The following CNTNAP2 variants were observed in gnomAD, a reference collection of about 807,000 sequenced individuals.
CNTNAP2 encodes the protein contactin-associated protein-like 2.
Under a neutral mutation model 155.2 loss-of-function variants are expected in CNTNAP2, and 98 were observed. That is an observed-to-expected ratio of 0.63 (90% CI 0.54 to 0.75). The LOEUF (loss-of-function observed/expected upper bound fraction) is 0.75, where lower values mean the gene tolerates loss of function less well. Among genes scored for constraint, CNTNAP2 ranks in the 30% least tolerant of loss-of-function variants. The pLI, the probability that CNTNAP2 is intolerant of heterozygous loss-of-function variation, is 0.00. For missense variants in CNTNAP2, 1,727 were observed against 1,688.1 expected (o/e 1.02, Z -0.40); for synonymous variants, 651 against 631.2 (o/e 1.03, Z -0.47).
In CNTNAP2 at chr7:146,443,255, AATAG is replaced by A. The variant is rs1554434133; in HGVS notation, c.97+326286_97+326289del. Among the ~76,000 whole-genome samples, 938 of 150,540 alleles carry A rather than the reference AATAG, an allele frequency of 6.2e-3. 11 individuals are homozygous for A. The highest frequency in any genetic ancestry group is 0.022 in the African/African-American group (881 of 40,860). ...TAATAAATAAATAAATAAATAAATA[AATAG>A]ATAAATAAAAGCATGGTCAGGTTTT... On this transcript the variant is annotated intron_variant, in intron 1 of 23. Coordinates refer to ENST00000361727, the MANE Select transcript of CNTNAP2 (RefSeq NM_014141.6).
intron 1 of CNTNAP2, among the ~76,000 whole-genome samples, chr7:146,368,723 CCA>C (rs1384842895): frequency 6.6e-6 from 1 of 151,904 alleles, no homozygotes; most frequent in Non-Finnish European, 1.5e-5. Context: ...TTTCCTATCC[CCA>C]GTTTTGTTTA....
chr7:146,801,808 T>C lies in CNTNAP2; in HGVS notation c.208+27427T>C, dbSNP rs146634095. On this transcript the variant is annotated intron_variant, in intron 2 of 23. Transcript: ENST00000361727. ...TTATTATACCAAATAGCAGATACGG[T>C]GAATTTTAAATGCTTCATGGTAAAG... is the stretch of plus-strand genomic sequence containing the variant. Among the ~76,000 whole-genome samples, 343 of 152,260 alleles carry C rather than the reference T, an allele frequency of 2.3e-3. 1 individual carries two copies. The highest frequency in any genetic ancestry group is 7.9e-3 in the African/African-American group (328 of 41,564).
intron 1 of CNTNAP2, among the ~76,000 whole-genome samples, chr7:146,487,993 A>G (rs1402178327): frequency 6.6e-6 from 1 of 152,214 alleles, no homozygotes. Flanking sequence ...TGTTAAGAAA[A>G]GAAAAAAAGA....
intron 8 of CNTNAP2, among the ~76,000 whole-genome samples, chr7:147,223,040 G>T (rs138298753): frequency 2.2e-3 from 336 of 152,260 alleles, no homozygotes; most frequent in African/African-American, 7.7e-3. Context: ...AGGACAAAAA[G>T]ATTTTTCTCC....
intron 13 of CNTNAP2, among the ~76,000 whole-genome samples, chr7:147,850,953 A>G (rs1030985818): frequency 1.3e-5 from 2 of 152,246 alleles, no homozygotes; most frequent in African/African-American, 4.8e-5. Flanking sequence ...GCTTCTGCAG[A>G]GCAAAAGAAA....
At chr7:147,422,135 A>C (rs1426372840) in intron 10 of CNTNAP2, among the ~76,000 whole-genome samples, 1 of 142,370 alleles carries the variant, frequency 7.0e-6, no homozygotes, top group Non-Finnish European at 1.5e-5. Flanking sequence ...TATATACAGT[A>C]TATATATATA....
intron 14 of CNTNAP2, among the ~76,000 whole-genome samples, chr7:147,942,660 A>G (rs1800746305): frequency 6.6e-6 from 1 of 152,064 alleles, no homozygotes; most frequent in Non-Finnish European, 1.5e-5. Context: ...TAATCCTACT[A>G]CTGTCCTGTG....
At chr7:146,925,977 T>G (rs571710011) in intron 3 of CNTNAP2, among the ~76,000 whole-genome samples, 1 of 152,230 alleles carries the variant, frequency 6.6e-6, no homozygotes, top group South Asian at 2.1e-4. Context: ...TGTATGGCAC[T>G]TCTATCTTGT....
At chr7:147,244,240 T>C (rs140192252) in intron 8 of CNTNAP2, among the ~76,000 whole-genome samples, 258 of 152,310 alleles carry the variant, frequency 1.7e-3, no homozygotes, top group Non-Finnish European at 3.1e-3. Flanking sequence ...CCACAGAGTG[T>C]GGAAGGGTTA....
intron 12 of CNTNAP2, among the ~76,000 whole-genome samples, chr7:147,573,094 G>A (rs1800325805): frequency 1.3e-5 from 2 of 152,248 alleles, no homozygotes; most frequent in East Asian, 1.9e-4. Context: ...AATATTTAAA[G>A]TTTTATTTCC....
At chr7:147,452,318 T>A (rs1236983484) in intron 10 of CNTNAP2, among the ~76,000 whole-genome samples, 1 of 152,198 alleles carries the variant, frequency 6.6e-6, no homozygotes, top group Non-Finnish European at 1.5e-5. Context: ...TTATTTTATA[T>A]CAAAAAGTAG....
chr7:146,616,273 G>A (rs1799222338), intron 1 of CNTNAP2, among the ~76,000 whole-genome samples: 1 of 152,100 alleles, frequency 6.6e-6, no homozygotes, highest in Non-Finnish European at 1.5e-5. Flanking sequence ...TTTTCCAGAG[G>A]ATTCTTTTGA....
At chr7:146,662,683 A>AC (rs35448273) in intron 1 of CNTNAP2, among the ~76,000 whole-genome samples, 100,049 of 151,794 alleles carry the variant, frequency 0.66, 35,523 homozygotes, top group South Asian at 0.88. Flanking sequence ...TTTGTGTAAA[A>AC]GATGTCACAA....
chr7:147,382,225 G>A (rs1168443662), intron 9 of CNTNAP2, among the ~76,000 whole-genome samples: 1 of 152,054 alleles, frequency 6.6e-6, no homozygotes, highest in Non-Finnish European at 1.5e-5. Context: ...TAAATAAAAG[G>A]CTCTTGAACA....
chr7:146,664,936 CTTG>C (rs919278339), intron 1 of CNTNAP2, among the ~76,000 whole-genome samples: 1 of 152,058 alleles, frequency 6.6e-6, no homozygotes, highest in Non-Finnish European at 1.5e-5. Flanking sequence ...ATAGTACTCT[CTTG>C]TTATCCTTTT....
chr7:146,721,248 A>G (rs1216001274), intron 1 of CNTNAP2, among the ~76,000 whole-genome samples: 2 of 131,580 alleles, frequency 1.5e-5, no homozygotes, highest in African/African-American at 5.7e-5. Context: ...CTCTCTCTAT[A>G]TTCTCTATAT....
At chr7:146,376,139 A>AG (rs1375249229) in intron 1 of CNTNAP2, among the ~76,000 whole-genome samples, 5 of 152,180 alleles carry the variant, frequency 3.3e-5, no homozygotes, top group African/African-American at 7.2e-5. Flanking sequence ...AAACAAAACT[A>AG]TAAGAGCGAG....
intron 14 of CNTNAP2, among the ~76,000 whole-genome samples, chr7:147,919,462 T>TC (rs1554449678): frequency 0.055 from 3,412 of 62,104 alleles, 851 homozygotes; most frequent in African/African-American, 0.25. Flanking sequence ...TTTCTTTCTT[T>TC]TTTTTTTTTT....
intron 22 of CNTNAP2, among the ~76,000 whole-genome samples, chr7:148,397,702 C>T (rs189235411): frequency 5.9e-5 from 9 of 152,366 alleles, no homozygotes; most frequent in Admixed American, 5.2e-4. Flanking sequence ...AGAACTGTGA[C>T]AGAGCCACAC....
Sources: allele counts gnomAD v4.1 joint callset (sites outside exome capture counted in the v4.1 genomes callset), GRCh38; gene constraint gnomAD v4.1.1; transcripts MANE v1.5; gene names NCBI Gene and HGNC (gene_info 2026-07-23, HGNC 2026-07-21).